SIRPA: variants seen among roughly 807,000 people sequenced by gnomAD.
The protein encoded by SIRPA is signal regulatory protein alpha.
SIRPA carries 9 observed loss-of-function variants against 50.3 expected under a neutral mutation model. The observed-to-expected ratio is 0.18, with a 90% CI of 0.11 to 0.31. The LOEUF (loss-of-function observed/expected upper bound fraction) is 0.31, where lower values mean the gene tolerates loss of function less well. Among genes scored for constraint, SIRPA ranks in the 10% least tolerant of loss-of-function variants. The pLI is 1.00. For missense variants in SIRPA, 474 were observed against 661.6 expected (o/e 0.72, Z 3.11); for synonymous variants, 265 against 284.1 (o/e 0.93, Z 0.68).
In SIRPA at chr20:1,922,108, A is replaced by G. The variant is rs549717691; in HGVS notation, c.755-205A>G. On this transcript the variant is annotated intron_variant, in intron 3 of 7. Coordinates refer to ENST00000358771, the MANE Select transcript of SIRPA (RefSeq NM_001040023.2). Reference sequence around the variant, plus strand: ...CATTCTTAGCCTAGTAGGAGCTACCAGTCCTTGAGCACCTACTGTGTGCTG... The same window carrying G: ...CATTCTTAGCCTAGTAGGAGCTACCGGTCCTTGAGCACCTACTGTGTGCTG... Among the ~76,000 whole-genome samples the G allele has an allele frequency of 3.3e-5, 5 of 152,296 alleles. No homozygotes were observed. The East Asian group carries it at 9.6e-4, about 29-fold the overall frequency.
chr20:1,913,260 G>A (rs1985012838), intron 1 of SIRPA, among the ~76,000 whole-genome samples: 1 of 152,228 alleles, frequency 6.6e-6, no homozygotes, highest in Non-Finnish European at 1.5e-5. Flanking sequence ...CCCCAAGGGT[G>A]ATCCCTTGCC....
At position 1,937,165 on chromosome 20, in the gene SIRPA, G is replaced by A. The variant is rs866042284; in HGVS notation, c.1267-155G>A. Among the ~76,000 whole-genome samples, 4 of 152,208 alleles carry A rather than the reference G, an allele frequency of 2.6e-5. No homozygotes were observed. Among genetic ancestry groups the A allele is most frequent in the Middle Eastern group, 3.4e-3 (1 of 294 alleles). On this transcript the variant is annotated intron_variant, in intron 7 of 7. Coordinates refer to ENST00000358771, the MANE Select transcript of SIRPA (RefSeq NM_001040023.2). The surrounding 1 kb of genome is among the most constrained non-coding windows in gnomAD (Gnocchi z 8.3). Reference sequence around the variant, plus strand: ...AGGGGCAAGGCTGGAGGCAAGTAACGTTGGCAAGAGATGAGGGGAACATGA... The same window carrying A: ...AGGGGCAAGGCTGGAGGCAAGTAACATTGGCAAGAGATGAGGGGAACATGA...
Position 1,932,470 on chromosome 20 carries a change from C to T in SIRPA, c.1227-2245C>T, listed in dbSNP as rs902385668. ...GGAGCAGTCAGATGCATGCACAGAA[C>T]GCAGAGGAGGCCAGAGGAGCTGGAG... On this transcript the variant is annotated intron_variant, in intron 6 of 7. Transcript: ENST00000358771. The surrounding 1 kb of genome is among the most constrained non-coding windows in gnomAD (Gnocchi z 6.0). Among the ~76,000 whole-genome samples, 1 of 152,166 alleles carries T rather than the reference C, an allele frequency of 6.6e-6. No homozygotes were observed. The highest frequency in any genetic ancestry group is 1.5e-5 in the Non-Finnish European group (1 of 68,034).
At chr20:1,925,028 A>C in intron 5 of SIRPA, 151 bp downstream of exon 5, 1 of 653,316 alleles carries the variant, frequency 1.5e-6, no homozygotes, top group Admixed American at 2.4e-5. Context: ...CAGTGGCCTC[A>C]CCATGTTAGA....
At chr20:1,904,146 A>G (rs1984406066) in intron 1 of SIRPA, among the ~76,000 whole-genome samples, 2 of 152,188 alleles carry the variant, frequency 1.3e-5, no homozygotes, top group South Asian at 4.1e-4. Context: ...CCGGGATCAT[A>G]CCACAATTCC....
Position 1,921,560 on chromosome 20 carries a change from T to C in SIRPA, c.602T>C (p.Val201Ala), listed in dbSNP as rs746950408. 7.4e-6 allele frequency: 12 copies of C among 1,614,060 alleles called. No homozygotes were observed. The highest frequency in any genetic ancestry group is 1.3e-5 in the African/African-American group (1 of 74,918). Residue 201 changes from valine to alanine, a missense_variant, in exon 3 of 8, where the codon GTA becomes GCA. Coordinates refer to ENST00000358771, the MANE Select transcript of SIRPA (RefSeq NM_001040023.2). ...GACTTCCAGACCAACGTGGACCCCG[T>C]AGGAGAGAGCGTGTCCTACAGCATC... ...LSDFQTNVDP[V>A]GESVSYSIHS...
At chr20:1,922,163 GC>G (rs1985698100) in intron 3 of SIRPA, 149 bp from the exon 4 acceptor site, 1 of 786,906 alleles carries the variant, frequency 1.3e-6, no homozygotes, top group African/African-American at 1.7e-5. Flanking sequence ...TCATTCATAT[GC>G]AAAGAGCACC....
At position 1,927,967 on chromosome 20, in the gene SIRPA, C is replaced by CAAAGCATA; in HGVS notation, c.1226+70_1226+77dup. ...GGTTATTTGACAGCCCCCCAGACTA[C>CAAAGCATA]AAAGCATAATCCATGTCCACTGACC... On this transcript the variant is annotated intron_variant, in intron 6 of 7. Transcript: ENST00000358771. This position sits in a 1 kb window ranked among gnomAD's most constrained non-coding sequence, Gnocchi z 6.5. The CAAAGCATA allele has an allele frequency of 7.4e-7, 1 of 1,354,388 alleles. No individual in the cohort carries two copies. The highest frequency in any genetic ancestry group is 1.1e-6 in the Non-Finnish European group (1 of 943,012). 83.9% of individuals were successfully genotyped at this position (1,354,388 alleles called of 1,614,324 possible).
At chr20:1,914,123 G>C (rs373257512) in intron 1 of SIRPA, among the ~76,000 whole-genome samples, 1 of 152,212 alleles carries the variant, frequency 6.6e-6, no homozygotes, top group Non-Finnish European at 1.5e-5. Flanking sequence ...TTTATTCAAT[G>C]TATAGTAACA....
In SIRPA at chr20:1,921,603, G is replaced by A; in HGVS notation, c.645G>A (p.Val215=). ...ACAGCATCCACAGCACAGCCAAGGT[G>A]GTGCTGACCCGCGAGGACGTTCACT... The part of the protein sequence containing the change: ...VSYSIHSTAK[V]VLTREDVHSQ... The change falls in exon 3 of 8, where the codon GTG becomes GTA. Residue 215 remains valine (V), a synonymous_variant. Coordinates refer to ENST00000358771, the MANE Select transcript of SIRPA (RefSeq NM_001040023.2). 2.5e-6 allele frequency: 4 copies of A among 1,614,246 alleles called. No individual in the cohort carries two copies. Among genetic ancestry groups the A allele is most frequent in the Middle Eastern group, 3.3e-4 (2 of 6,062 alleles).
chr20:1,932,093 A>C lies in SIRPA; in HGVS notation c.1227-2622A>C, dbSNP rs566013439. ...TCATTCATTCATTCATTCAGCAAATACATATGGACTGCTGACGATGTGCCA... is the reference window on the plus strand; with the variant it reads ...TCATTCATTCATTCATTCAGCAAATCCATATGGACTGCTGACGATGTGCCA... On this transcript the variant is annotated intron_variant, in intron 6 of 7. Coordinates refer to ENST00000358771, the MANE Select transcript of SIRPA (RefSeq NM_001040023.2). The surrounding 1 kb of genome is among the most constrained non-coding windows in gnomAD (Gnocchi z 6.0). Among the ~76,000 whole-genome samples the C allele has an allele frequency of 3.5e-3, 526 of 151,846 alleles. 3 individuals carry two copies. Among genetic ancestry groups the C allele is most frequent in the Middle Eastern group, 0.01 (3 of 294 alleles).
rs150829896 is a variant in SIRPA, at chr20:1,921,477, C to T, written c.519C>T (p.His173=). 90 of 1,613,834 alleles carry T rather than the reference C, an allele frequency of 5.6e-5. No individual in the cohort carries two copies. Among genetic ancestry groups the T allele is most frequent in the African/African-American group, 1.1e-4 (8 of 74,908 alleles). Residue 173 remains histidine, a synonymous_variant, in exon 3 of 8, where the codon CAC becomes CAT. Transcript: ENST00000358771. Reference sequence around the variant, plus strand: ...CAGTGAGCTTCACCTGCGAGTCCCACGGCTTCTCACCCAGAGACATCACCC... The same window carrying T: ...CAGTGAGCTTCACCTGCGAGTCCCATGGCTTCTCACCCAGAGACATCACCC... ...QHTVSFTCES[H]GFSPRDITLK...
rs1986111905 is a variant in SIRPA, at chr20:1,928,329, T to C, written c.1226+430T>C. Among the ~76,000 whole-genome samples, 1 of 152,192 alleles carries C rather than the reference T, an allele frequency of 6.6e-6. No homozygotes were observed. Among genetic ancestry groups the C allele is most frequent in the Non-Finnish European group, 1.5e-5 (1 of 68,040 alleles). On this transcript the variant is annotated intron_variant, in intron 6 of 7. Coordinates refer to ENST00000358771, the MANE Select transcript of SIRPA (RefSeq NM_001040023.2). The surrounding 1 kb of genome is among the most constrained non-coding windows in gnomAD (Gnocchi z 4.9). ...CCCTGGAATGCCGGGATGAGTAGGA[T>C]AGAATCTGTGCCCTCTGCAAGCTCA...
rs1408949064 is a variant in SIRPA, at chr20:1,937,814, G to A, written c.*246G>A. The A allele has an allele frequency of 1.1e-5, 6 of 555,860 alleles. No homozygotes were observed. Among genetic ancestry groups the A allele is most frequent in the Admixed American group, 6.2e-5 (2 of 32,436 alleles). The allele number at this position is 555,860 out of a possible 1,614,324, so 34.4% of individuals were successfully genotyped here. Reference sequence around the variant, plus strand: ...GGCTGACGTTGCCAAACCAGCCAGGGAACCAACCTGGGAAGTGGCCAGAAC... The same window carrying A: ...GGCTGACGTTGCCAAACCAGCCAGGAAACCAACCTGGGAAGTGGCCAGAAC... On this transcript the variant is annotated 3_prime_UTR_variant, in exon 8 of 8. Transcript: ENST00000358771. The surrounding 1 kb of genome is among the most constrained non-coding windows in gnomAD (Gnocchi z 8.3).
Position 1,936,529 on chromosome 20 carries a change from C to T in SIRPA, c.1267-791C>T, listed in dbSNP as rs144657582. Among the ~76,000 whole-genome samples the T allele has an allele frequency of 1.1e-3, 164 of 152,294 alleles. No homozygotes were observed. The highest frequency in any genetic ancestry group is 3.8e-3 in the African/African-American group (157 of 41,558). On this transcript the variant is annotated intron_variant, in intron 7 of 7. Coordinates refer to ENST00000358771, the MANE Select transcript of SIRPA (RefSeq NM_001040023.2). The surrounding 1 kb of genome is among the most constrained non-coding windows in gnomAD (Gnocchi z 4.2). Reference sequence around the variant, plus strand: ...GATTCAAACCCAGGCTTTCTGACTCCAGAACGTTTCCCGCTTCACTAACTG... The same window carrying T: ...GATTCAAACCCAGGCTTTCTGACTCTAGAACGTTTCCCGCTTCACTAACTG...
intron 1 of SIRPA, among the ~76,000 whole-genome samples, chr20:1,909,134 C>T (rs1461276911): frequency 6.6e-6 from 1 of 152,232 alleles, no homozygotes; most frequent in Non-Finnish European, 1.5e-5. Flanking sequence ...ACTGCAGCCA[C>T]TTTAGAATGT....
chr20:1,911,822 A>T (rs1238925537), intron 1 of SIRPA, among the ~76,000 whole-genome samples: 2 of 152,038 alleles, frequency 1.3e-5, no homozygotes, highest in Non-Finnish European at 1.5e-5. Context: ...ATCCTCTGCT[A>T]GGAGGGCAAG....
intron 1 of SIRPA, among the ~76,000 whole-genome samples, chr20:1,896,489 T>G (rs1983834693): frequency 1.3e-5 from 2 of 150,298 alleles, no homozygotes; most frequent in African/African-American, 4.9e-5. Context: ...ATTAAGGGAG[T>G]TGGGAGGGAG....
chr20:1,903,090 G>T (rs1027312801), intron 1 of SIRPA, among the ~76,000 whole-genome samples: 1 of 151,870 alleles, frequency 6.6e-6, no homozygotes, highest in Non-Finnish European at 1.5e-5. Flanking sequence ...AGCCCTCCAT[G>T]TGGGAGGAAT....
Sources: gnomAD v4.1 joint callset for allele counts (sites outside exome capture counted in the v4.1 genomes callset) on GRCh38, gnomAD v4.1.1 for gene constraint, Gnocchi (gnomAD v3.1) non-coding constraint, MANE v1.5 for transcripts, NCBI Gene and HGNC (gene_info 2026-07-23, HGNC 2026-07-21) for gene names.